GSDME: variants seen among roughly 807,000 people sequenced by gnomAD.
The protein encoded by GSDME is gasdermin-E.
GSDME carries 44 observed loss-of-function variants against 47.5 expected under a neutral mutation model. The ratio of observed to expected loss-of-function variants is 0.93; its 90% CI spans 0.73 to 1.19. The LOEUF (loss-of-function observed/expected upper bound fraction) is 1.19, where lower values mean the gene tolerates loss of function less well. GSDME is among the 50% of genes most tolerant of loss of function. GSDME has a pLI of 0.00. For synonymous variants in GSDME, 258 were observed against 252.8 expected (o/e 1.02, Z -0.20); for missense variants, 663 against 604.2 (o/e 1.10, Z -1.02).
intron 9 of GSDME, among the ~76,000 whole-genome samples, chr7:24,700,944 A>G (rs1486441096): frequency 6.6e-6 from 1 of 152,184 alleles, no homozygotes; most frequent in Non-Finnish European, 1.5e-5. Flanking sequence ...ATTTCTAGGT[A>G]TAAGGGGGAA....
At chr7:24,730,639 A>AC (rs1471607726) in intron 3 of GSDME, among the ~76,000 whole-genome samples, 2 of 151,932 alleles carry the variant, frequency 1.3e-5, no homozygotes, top group African/African-American at 4.8e-5. Flanking sequence ...ATATGGTGAA[A>AC]CCCCGTCTCT....
At chr7:24,702,704 C>T (rs758473577) in intron 9 of GSDME, 56 bp downstream of exon 9, 1 of 1,451,288 alleles carries the variant, frequency 6.9e-7, no homozygotes, top group Non-Finnish European at 9.7e-7. Flanking sequence ...ATGTCTACCC[C>T]CTCATCATTT....
intron 3 of GSDME, among the ~76,000 whole-genome samples, chr7:24,734,432 A>G (rs540294628): frequency 6.6e-6 from 1 of 152,384 alleles, no homozygotes; most frequent in South Asian, 2.1e-4. Context: ...ACATGACTTC[A>G]CCAAACAAAC....
At chr7:24,776,237 G>T in the GSDME span, among the ~76,000 whole-genome samples, 1 of 150,104 alleles carries the variant, frequency 6.7e-6, no homozygotes, top group African/African-American at 2.5e-5. Flanking sequence ...ATATGGAAGA[G>T]CTCCTGGGGT....
At chr7:24,778,480 C>G in the GSDME span, among the ~76,000 whole-genome samples, 1 of 152,064 alleles carries the variant, frequency 6.6e-6, no homozygotes, top group Admixed American at 6.5e-5. This position sits in a 1 kb window ranked among gnomAD's most constrained non-coding sequence, Gnocchi z 5.6. Context: ...TTTGTTGCAC[C>G]CTTGTCCCAG....
At chr7:24,780,541 C>G in the GSDME span, among the ~76,000 whole-genome samples, 16 of 152,224 alleles carry the variant, frequency 1.1e-4, no homozygotes, top group Admixed American at 1.0e-3. This position sits in a 1 kb window ranked among gnomAD's most constrained non-coding sequence, Gnocchi z 4.1. Flanking sequence ...TGTACACACC[C>G]TTCTTGCCTG....
At chr7:24,717,106 G>T in intron 5 of GSDME, 148 bp downstream of exon 5, 2 of 891,552 alleles carry the variant, frequency 2.2e-6, no homozygotes, top group Non-Finnish European at 3.5e-6. Flanking sequence ...CAGGGACCAT[G>T]TCTTGGGACA....
In GSDME at chr7:24,721,812, C is replaced by T. The variant is rs938746457; in HGVS notation, c.405-2594G>A. On this transcript the variant is annotated intron_variant, in intron 3 of 9. Coordinates refer to ENST00000645220, the MANE Select transcript of GSDME (RefSeq NM_001127453.2). This position sits in a 1 kb window ranked among gnomAD's most constrained non-coding sequence, Gnocchi z 4.1. ...GTCCAGTGCGTTCCCAGGCTGAGGC[C>T]CCATGTGATCTGCCCTGCCCCCTGT... Among the ~76,000 whole-genome samples the T allele has an allele frequency of 2.0e-5, 3 of 152,146 alleles. No homozygotes were observed. Among genetic ancestry groups the T allele is most frequent in the African/African-American group, 7.2e-5 (3 of 41,422 alleles).
chr7:24,744,498 C>T lies in GSDME; in HGVS notation c.404+64G>A. The T allele has an allele frequency of 1.3e-6, 2 of 1,556,026 alleles. No homozygotes were observed. Among genetic ancestry groups the T allele is most frequent in the Non-Finnish European group, 1.8e-6 (2 of 1,128,980 alleles). On this transcript the variant is annotated intron_variant, in intron 3 of 9. Transcript: ENST00000645220. The surrounding 1 kb of genome is among the most constrained non-coding windows in gnomAD (Gnocchi z 4.5). ...AATCTGTCGCCCTTTTAACAAAGGT[C>T]CAACTGAATGACCTTTAAATGTGAG...
Position 24,726,352 on chromosome 7 carries a change from A to G in GSDME, c.405-7134T>C, listed in dbSNP as rs906662347. Among the ~76,000 whole-genome samples the G allele has an allele frequency of 6.6e-6, 1 of 152,192 alleles. No homozygotes were observed. The highest frequency in any genetic ancestry group is 2.4e-5 in the African/African-American group (1 of 41,430). On this transcript the variant is annotated intron_variant, in intron 3 of 9. Coordinates refer to ENST00000645220, the MANE Select transcript of GSDME (RefSeq NM_001127453.2). The surrounding 1 kb of genome is among the most constrained non-coding windows in gnomAD (Gnocchi z 5.6). ...AGGAGGTCCCGGGGATGCCTCCTGC[A>G]GAGACACAGGAGGGCGAGCTTTGTC...
chr7:24,769,373 A>G, the GSDME span, among the ~76,000 whole-genome samples: 1 of 152,218 alleles, frequency 6.6e-6, no homozygotes, highest in Admixed American at 6.5e-5. Context: ...AATATCAGAA[A>G]AACTCCCCTC....
the GSDME span, among the ~76,000 whole-genome samples, chr7:24,788,934 C>T: frequency 6.6e-6 from 1 of 152,078 alleles, no homozygotes; most frequent in African/African-American, 2.4e-5. This position sits in a 1 kb window ranked among gnomAD's most constrained non-coding sequence, Gnocchi z 4.6. Flanking sequence ...TATGCAAATT[C>T]CACTAACTGT....
chr7:24,768,282 G>A, the GSDME span, among the ~76,000 whole-genome samples: 1 of 152,172 alleles, frequency 6.6e-6, no homozygotes, highest in Non-Finnish European at 1.5e-5. This position sits in a 1 kb window ranked among gnomAD's most constrained non-coding sequence, Gnocchi z 5.6. Context: ...CTGCTGGGCT[G>A]TGCCTGGAGG....
the GSDME span, among the ~76,000 whole-genome samples, chr7:24,763,021 C>G: frequency 1.1e-4 from 17 of 152,262 alleles, 1 homozygote; most frequent in Admixed American, 7.2e-4. The surrounding 1 kb of genome is among the most constrained non-coding windows in gnomAD (Gnocchi z 4.3). Flanking sequence ...CTTTCGGGTA[C>G]AGGATGCATT....
At position 24,745,734 on chromosome 7, in the gene GSDME, A is replaced by C. The variant is rs1790646639; in HGVS notation, c.212-980T>G. Among the ~76,000 whole-genome samples the C allele has an allele frequency of 6.6e-6, 1 of 152,148 alleles. No individual in the cohort carries two copies. The highest frequency in any genetic ancestry group is 1.5e-5 in the Non-Finnish European group (1 of 68,026). ...ACCTGGGCAACACCAGCTACCCTAGAGGCTGAGGTGAGAGGATCACCTGAA... is the reference window on the plus strand; with the variant it reads ...ACCTGGGCAACACCAGCTACCCTAGCGGCTGAGGTGAGAGGATCACCTGAA... On this transcript the variant is annotated intron_variant, in intron 2 of 9. Transcript: ENST00000645220. This position sits in a 1 kb window ranked among gnomAD's most constrained non-coding sequence, Gnocchi z 4.4.
At chr7:24,775,897 A>AG in the GSDME span, among the ~76,000 whole-genome samples, 1 of 147,578 alleles carries the variant, frequency 6.8e-6, no homozygotes, top group Non-Finnish European at 1.5e-5. Context: ...AAAAAAAAAA[A>AG]GGCCAGGCAC....
At chr7:24,795,490 G>T in the GSDME span, among the ~76,000 whole-genome samples, 1 of 152,146 alleles carries the variant, frequency 6.6e-6, no homozygotes, top group African/African-American at 2.4e-5. Context: ...CAACTAAGGG[G>T]GTCTGCGTGA....
At chr7:24,789,609 A>C in the GSDME span, among the ~76,000 whole-genome samples, 1 of 152,206 alleles carries the variant, frequency 6.6e-6, no homozygotes, top group Non-Finnish European at 1.5e-5. Flanking sequence ...TCAGGAGTTG[A>C]TTTTTAACTA....
intron 9 of GSDME, 146 bp downstream of exon 9, chr7:24,702,614 T>TG (rs1788915251): frequency 2.9e-6 from 2 of 696,192 alleles, no homozygotes; most frequent in African/African-American, 3.5e-5. Context: ...TGTATAAAAG[T>TG]GGGGTTAATA....
Sources: allele counts gnomAD v4.1 joint callset (sites outside exome capture counted in the v4.1 genomes callset), GRCh38; gene constraint gnomAD v4.1.1; non-coding constraint Gnocchi (gnomAD v3.1); transcripts MANE v1.5; gene names NCBI Gene and HGNC (gene_info 2026-07-23, HGNC 2026-07-21).